STAB1: variants seen among roughly 807,000 people sequenced by gnomAD.
STAB1 encodes stabilin 1.
In STAB1, 250 loss-of-function variants were observed where a neutral mutation model predicts 332.4. The ratio of observed to expected loss-of-function variants is 0.75; its 90% confidence interval spans 0.68 to 0.84. STAB1 has a LOEUF of 0.84. Ranked by LOEUF, STAB1 falls within the 40% of genes least tolerant of loss-of-function variation. The probability of loss-of-function intolerance (pLI) is 0.00; values close to 1 mark genes in which losing one functional copy is unlikely to be tolerated. For missense variants in STAB1, 3,249 were observed against 3,489.7 expected, an observed-to-expected ratio of 0.93 and a Z score of 1.74; for synonymous variants, 1,475 against 1,390.4, an observed-to-expected ratio of 1.06 and a Z score of -1.35.
chr3:52,521,490 C>T lies in STAB1; in HGVS notation c.6038C>T (p.Ala2013Val). 1 of 1,614,008 alleles carries T rather than the reference C, an allele frequency of 6.2e-7. No homozygotes were observed. Among genetic ancestry groups the T allele is most frequent in the Non-Finnish European group, 8.5e-7 (1 of 1,180,018 alleles). ...GTACELCAPG[A>V]FGPHCQACRC... The stretch of plus-strand genomic sequence containing the variant: ...GCCTGTGAACTCTGTGCTCCTGGTG[C>T]CTTTGGGCCCCATTGTCAAGGTGGG... The change falls in exon 56 of 69, where the codon GCC becomes GTC. Residue 2013 changes from alanine to valine, a missense_variant. Transcript: ENST00000321725.
chr3:52,517,830 T>C (rs1559710544), intron 44 of STAB1, 51 bp from the exon 45 acceptor site: 2 of 1,611,072 alleles, frequency 1.2e-6, no homozygotes, highest in Middle Eastern at 1.7e-4. Context: ...CTGAGTGGGA[T>C]AGAGAAGTAG....
In STAB1 at chr3:52,521,528, G is replaced by T. The variant is rs1559721880; in HGVS notation, c.6058+18G>T. ...TTGTCAAGGTGGGCCATCCCTGCCT[G>T]CCCCACGGCCCGATTCCTTTGGCCC... On this transcript the variant is annotated intron_variant, in intron 56 of 68. Transcript: ENST00000321725. 1 of 1,613,888 alleles carries T rather than the reference G, an allele frequency of 6.2e-7. No individual in the cohort carries two copies. The highest frequency in any genetic ancestry group is 8.5e-7 in the Non-Finnish European group (1 of 1,180,008).
intron 11 of STAB1, 33 bp from the exon 12 acceptor site, chr3:52,504,706 C>A: frequency 6.2e-7 from 1 of 1,613,410 alleles, no homozygotes; most frequent in South Asian, 1.1e-5. Flanking sequence ...ACTGGCCCCC[C>A]GGCTCACTTT....
chr3:52,503,951 C>T, intron 9 of STAB1, 49 bp downstream of exon 9: 2 of 1,612,508 alleles, frequency 1.2e-6, no homozygotes, highest in East Asian at 4.5e-5. Flanking sequence ...GCAAGCGTGC[C>T]CTCTGCGGGA....
At chr3:52,497,716 A>T (rs773748158) in intron 1 of STAB1, among the ~76,000 whole-genome samples, 2 of 152,098 alleles carry the variant, frequency 1.3e-5, no homozygotes, top group Non-Finnish European at 2.9e-5. Context: ...CCCAGCCTCG[A>T]TTCCATTTTA....
intron 45 of STAB1, 115 bp downstream of exon 45, chr3:52,518,118 G>C (rs548077949): frequency 6.6e-7 from 1 of 1,513,938 alleles, no homozygotes; most frequent in Admixed American, 2.1e-5. Context: ...CCATGACACT[G>C]AGCCTGACCC....
rs751945065 is a variant in STAB1, at chr3:52,519,242, CA to C, written c.5035-21del. 3.1e-6 allele frequency: 5 copies of C among 1,603,974 alleles called. No individual in the cohort carries two copies. The African/African-American group carries it at 6.7e-5, about 21-fold the overall frequency. ...CGAGCACCCCACCTATCTGCTTCAT[CA>C]GCCCCGTGCCCCGCCCCCAGGGCAG... On this transcript the variant is annotated intron_variant, in intron 48 of 68. Coordinates refer to ENST00000321725, the MANE Select transcript of STAB1 (RefSeq NM_015136.3).
Position 52,513,811 on chromosome 3 carries a change from G to T in STAB1, c.3348+17G>T. The T allele has an allele frequency of 6.2e-7, 1 of 1,613,318 alleles. No homozygotes were observed. Among genetic ancestry groups the T allele is most frequent in the South Asian group, 1.1e-5 (1 of 91,080 alleles). ...CTCAGCCAGGTACAGCAGGAGGAGGGTGTGTGCAGGGAAACTTGCAGGCAG... is the reference window on the plus strand; with the variant it reads ...CTCAGCCAGGTACAGCAGGAGGAGGTTGTGTGCAGGGAAACTTGCAGGCAG... On this transcript the variant is annotated intron_variant, in intron 31 of 68. Coordinates refer to ENST00000321725, the MANE Select transcript of STAB1 (RefSeq NM_015136.3).
chr3:52,509,184 G>T, intron 21 of STAB1, 26 bp from the exon 22 acceptor site: 3 of 1,607,074 alleles, frequency 1.9e-6, no homozygotes, highest in South Asian at 1.1e-5. Context: ...TCCCATGACT[G>T]ATCCTGCCTT....
intron 1 of STAB1, among the ~76,000 whole-genome samples, chr3:52,500,830 G>C (rs1324280679): frequency 1.3e-5 from 2 of 152,328 alleles, no homozygotes; most frequent in East Asian, 1.9e-4. Context: ...AAATGGGCTT[G>C]GGGGAGCAAC....
chr3:52,507,264 C>T (rs1708945121), intron 18 of STAB1, among the ~76,000 whole-genome samples: 1 of 152,216 alleles, frequency 6.6e-6, no homozygotes, highest in Non-Finnish European at 1.5e-5. Flanking sequence ...AGGCTGGTTT[C>T]AAACCTCTGA....
intron 36 of STAB1, among the ~76,000 whole-genome samples, 156 bp downstream of exon 36, chr3:52,515,201 C>T (rs891909661): frequency 6.6e-5 from 10 of 152,204 alleles, no homozygotes; most frequent in African/African-American, 2.4e-4. Context: ...GTCTGGAGGG[C>T]TGGCCTGGCT....
chr3:52,519,120 C>A, intron 48 of STAB1, 144 bp from the exon 49 acceptor site: 2 of 1,147,696 alleles, frequency 1.7e-6, no homozygotes, highest in Non-Finnish European at 2.5e-6. Context: ...CCGCCCCAGA[C>A]CCCGCCCACC....
chr3:52,518,952 G>A (rs1423269336), intron 48 of STAB1, 83 bp downstream of exon 48: 2 of 1,042,618 alleles, frequency 1.9e-6, no homozygotes, highest in South Asian at 1.6e-5. Context: ...CACGGCCCAC[G>A]CAGTCAAGAA....
chr3:52,523,344 A>AATT lies in STAB1; in HGVS notation c.7140+4_7140+5insTTA. On this transcript the variant is annotated splice_donor_region_variant and intron_variant, in intron 64 of 68. Transcript: ENST00000321725. The stretch of plus-strand genomic sequence containing the variant: ...ATGAAGGCTTTGTGGACAACATGGT[A>AATT]ACCCCCAAGGGTGTGGGCAGAGCAG... 6.2e-7 allele frequency: 1 copy of AATT among 1,609,762 alleles called. No homozygotes were observed. Among genetic ancestry groups the AATT allele is most frequent in the Non-Finnish European group, 8.5e-7 (1 of 1,179,994 alleles).
Position 52,523,472 on chromosome 3 carries a change from C to T in STAB1, c.7186C>T (p.Leu2396Phe). 1 of 1,611,478 alleles carries T rather than the reference C, an allele frequency of 6.2e-7. No individual in the cohort carries two copies. The highest frequency in any genetic ancestry group is 8.5e-7 in the Non-Finnish European group (1 of 1,178,868). The change falls in exon 65 of 69, where the codon CTC becomes TTC. Residue 2396 changes from leucine (L) to phenylalanine (F), a missense_variant. Physicochemically the swap from Leu to Phe is conservative, Grantham distance 22. Coordinates refer to ENST00000321725, the MANE Select transcript of STAB1 (RefSeq NM_015136.3). ...DLELHASNAT[L>F]LSANASQGKL... is the part of the protein sequence containing the mutation. ...GGAGCTGCATGCCTCCAACGCCACC[C>T]TCCTAAGTGCCAACGCCAGCCAGGG...
intron 17 of STAB1, 120 bp downstream of exon 17, chr3:52,506,370 G>C (rs926995334): frequency 1.1e-6 from 1 of 928,556 alleles, no homozygotes; most frequent in Admixed American, 2.1e-5. Flanking sequence ...GGCCATGGCG[G>C]GCTCATGGGG....
Position 52,501,725 on chromosome 3 carries a change from C to T in STAB1, c.303C>T (p.Cys101=), listed in dbSNP as rs1708459041. The change falls in exon 3 of 69, where the codon TGC becomes TGT. Residue 101 remains cysteine, a synonymous_variant. Transcript: ENST00000321725. The stretch of plus-strand genomic sequence containing the variant: ...AGCAAGTGGTGCAGAAGGCCTGCTG[C>T]CCTGGCTACTGGGGTTCCCGGTGCC... ...CRKQVVQKAC[C]PGYWGSRCHE... The T allele has an allele frequency of 1.3e-6, 2 of 1,571,956 alleles. No homozygotes were observed. The highest frequency in any genetic ancestry group is 1.2e-5 in the South Asian group (1 of 85,468).
intron 1 of STAB1, among the ~76,000 whole-genome samples, chr3:52,495,841 G>C (rs1707979515): frequency 6.6e-6 from 1 of 152,194 alleles, no homozygotes; most frequent in Admixed American, 6.5e-5. Context: ...TTGAAGATGT[G>C]ATCACCTCCA....
Sources: gnomAD v4.1 joint callset for allele counts (sites outside exome capture counted in the v4.1 genomes callset) on GRCh38, gnomAD v4.1.1 for gene constraint, MANE v1.5 for transcripts, NCBI Gene and HGNC (gene_info 2026-07-23, HGNC 2026-07-21) for gene names.